The following PAK5 variants were observed in gnomAD, a reference collection of about 807,000 sequenced individuals.
PAK5 encodes serine/threonine-protein kinase PAK 5.
In PAK5, 16 loss-of-function variants were observed where a neutral mutation model predicts 65.9. That is an observed-to-expected ratio of 0.24 (90% CI 0.16 to 0.37). The LOEUF (loss-of-function observed/expected upper bound fraction) is 0.37. PAK5 is among the 10% of genes least tolerant of loss of function. The probability of loss-of-function intolerance (pLI) is 1.00; values close to 1 mark genes in which losing one functional copy is unlikely to be tolerated. For synonymous variants in PAK5, 371 were observed against 354.9 expected (o/e 1.05, Z -0.51); for missense variants, 785 against 903.9 (o/e 0.87, Z 1.69).
intron 1 of PAK5, among the ~76,000 whole-genome samples, chr20:9,828,642 A>G (rs1978467555): frequency 6.6e-6 from 1 of 152,206 alleles, no homozygotes; most frequent in Non-Finnish European, 1.5e-5. Context: ...CTAAAAAATC[A>G]TTATTATACA....
chr20:9,673,189 G>A (rs1411330229), intron 2 of PAK5, among the ~76,000 whole-genome samples: 1 of 152,040 alleles, frequency 6.6e-6, no homozygotes, highest in Non-Finnish European at 1.5e-5. Context: ...TATAACAGAT[G>A]GAAGAAACCT....
In PAK5 at chr20:9,538,423, CAA is replaced by C. The variant is rs922244552; in HGVS notation, c.*1037_*1038del. The C allele has an allele frequency of 4.3e-6, 1 of 233,432 alleles. No individual in the cohort carries two copies. The highest frequency in any genetic ancestry group is 2.2e-5 in the African/African-American group (1 of 45,336). The allele number at this position is 233,432 out of a possible 1,614,324, so 14.5% of individuals were successfully genotyped here. A position where few individuals can be genotyped will look rare whatever the true frequency, so the allele number is the denominator to read the frequency against. On this transcript the variant is annotated 3_prime_UTR_variant, in exon 10 of 10. Transcript: ENST00000353224. Reference sequence around the variant, plus strand: ...GCATACAGAGTTTTAAAAATGGTGACAAATGAAACCAAACGTCTTGCCCTGTT... The same window carrying C: ...GCATACAGAGTTTTAAAAATGGTGACATGAAACCAAACGTCTTGCCCTGTT...
rs151184564 is a variant in PAK5, at chr20:9,626,414, G to A, written c.204+17711C>T. On this transcript the variant is annotated intron_variant, in intron 3 of 9. Transcript: ENST00000353224. ...ATTTTAAAATTTTGAAGGCAACAACGATATTTAACTTGTGAGACACCTTCT... is the reference window on the plus strand; with the variant it reads ...ATTTTAAAATTTTGAAGGCAACAACAATATTTAACTTGTGAGACACCTTCT... Among the ~76,000 whole-genome samples, 332 of 152,306 alleles carry A rather than the reference G, an allele frequency of 2.2e-3. 2 individuals carry two copies. Among genetic ancestry groups the A allele is most frequent in the African/African-American group, 7.7e-3 (320 of 41,566 alleles).
At chr20:9,765,961 C>T (rs914499186) in intron 1 of PAK5, among the ~76,000 whole-genome samples, 7 of 152,078 alleles carry the variant, frequency 4.6e-5, no homozygotes, top group African/African-American at 1.4e-4. Context: ...TGGTGGCTCA[C>T]GCCTGTAATC....
rs558398589 is a variant in PAK5, at chr20:9,644,433, T to C, written c.-11-94A>G. ...TGTTAATTCACTCAGGGCAACATCT[T>C]TTCAGTTATTCCTCTAGATCCCAGC... On this transcript the variant is annotated intron_variant, in intron 2 of 9. Coordinates refer to ENST00000353224, the MANE Select transcript of PAK5 (RefSeq NM_177990.4). The C allele has an allele frequency of 7.8e-4, 594 of 757,044 alleles. 1 individual carries two copies. The highest frequency in any genetic ancestry group is 1.1e-3 in the Non-Finnish European group (505 of 458,030). The allele number at this position is 757,044 out of a possible 1,614,324, so 46.9% of individuals were successfully genotyped here.
chr20:9,738,040 C>G (rs2048409607), intron 1 of PAK5, among the ~76,000 whole-genome samples: 2 of 152,152 alleles, frequency 1.3e-5, no homozygotes, highest in Admixed American at 1.3e-4. Flanking sequence ...ACTTGGGAGG[C>G]TGAGGCAGGA....
At chr20:9,627,278 T>G (rs1600164839) in intron 3 of PAK5, among the ~76,000 whole-genome samples, 1 of 152,202 alleles carries the variant, frequency 6.6e-6, no homozygotes, top group East Asian at 1.9e-4. Flanking sequence ...CTCCTTAGTG[T>G]TGTTTAAAAA....
At chr20:9,768,159 T>G (rs1256211613) in intron 1 of PAK5, among the ~76,000 whole-genome samples, 1 of 152,156 alleles carries the variant, frequency 6.6e-6, no homozygotes, top group Non-Finnish European at 1.5e-5. Context: ...TTAATTCTTT[T>G]TTTCTTCCTG....
At chr20:9,832,973 G>A (rs1309218190) in intron 1 of PAK5, among the ~76,000 whole-genome samples, 2 of 152,154 alleles carry the variant, frequency 1.3e-5, no homozygotes, top group Non-Finnish European at 2.9e-5. Context: ...TGCATGCATT[G>A]CTGCATATGA....
intron 1 of PAK5, among the ~76,000 whole-genome samples, chr20:9,826,766 G>T (rs1436871395): frequency 6.6e-6 from 1 of 152,138 alleles, no homozygotes; most frequent in Non-Finnish European, 1.5e-5. Context: ...GACTTGGGCA[G>T]AACCATATAA....
chr20:9,677,511 T>A (rs572687889), intron 2 of PAK5, among the ~76,000 whole-genome samples: 1 of 152,260 alleles, frequency 6.6e-6, no homozygotes, highest in East Asian at 1.9e-4. Flanking sequence ...TAGAAAAAAA[T>A]GTTGATTCCA....
chr20:9,560,455 G>A (rs999426002), intron 6 of PAK5, among the ~76,000 whole-genome samples: 1 of 152,130 alleles, frequency 6.6e-6, no homozygotes, highest in Admixed American at 6.5e-5. Context: ...GAACTTCTGG[G>A]CTCAAGTGAT....
intron 4 of PAK5, among the ~76,000 whole-genome samples, chr20:9,573,418 C>T (rs931221771): frequency 1.2e-4 from 18 of 152,072 alleles, no homozygotes; most frequent in Non-Finnish European, 2.5e-4. Flanking sequence ...ACCAGAGCTA[C>T]GCTGGGGTGG....
At chr20:9,747,963 A>G (rs2048528334) in intron 1 of PAK5, among the ~76,000 whole-genome samples, 1 of 152,200 alleles carries the variant, frequency 6.6e-6, no homozygotes, top group Non-Finnish European at 1.5e-5. Context: ...AAATCTCCTT[A>G]AGCTGATAAG....
chr20:9,616,253 A>G (rs2123163556), intron 3 of PAK5, among the ~76,000 whole-genome samples: 1 of 152,360 alleles, frequency 6.6e-6, no homozygotes, highest in South Asian at 2.1e-4. Flanking sequence ...ATGTTAGCCC[A>G]CAACAACTTC....
At chr20:9,727,794 C>T in intron 1 of PAK5, among the ~76,000 whole-genome samples, 1 of 151,976 alleles carries the variant, frequency 6.6e-6, no homozygotes. Context: ...CAGTTCTGGC[C>T]ACTTGGGGCT....
chr20:9,727,655 T>TATTCAATTATTTATTC (rs1332481221), intron 1 of PAK5, among the ~76,000 whole-genome samples: 1 of 152,124 alleles, frequency 6.6e-6, no homozygotes, highest in Admixed American at 6.5e-5. Flanking sequence ...TTTATTTATT[T>TATTCAATTATTTATTC]ATTTATTCAA....
At chr20:9,695,946 A>G (rs562343439) in intron 2 of PAK5, among the ~76,000 whole-genome samples, 3 of 152,188 alleles carry the variant, frequency 2.0e-5, no homozygotes, top group African/African-American at 7.2e-5. Context: ...TTAACTTTAA[A>G]TTTCCTAGTA....
rs112955560 is a variant in PAK5 at position 9,690,750 on chromosome 20, CTTTTTT to C, written c.-12+20530_-12+20535del. On this transcript the variant is annotated intron_variant, in intron 2 of 9. Coordinates refer to ENST00000353224, the MANE Select transcript of PAK5 (RefSeq NM_177990.4). The stretch of plus-strand genomic sequence containing the variant: ...TCAGCATTTCTTTCTTTCTTTCTTT[CTTTTTT>C]TTTTTTTTTTTTTTTGAGAAGGAGT... 4.8e-5 allele frequency among the ~76,000 whole-genome samples: 5 copies of C among 103,952 alleles called. No homozygotes were observed. In the East Asian group the frequency reaches 8.6e-4, roughly 18 times the overall value. The allele number at this position is 103,952 out of a possible 152,430, so 68.2% of individuals were successfully genotyped here. A position where few individuals can be genotyped will look rare whatever the true frequency, so the allele number is the denominator to read the frequency against.
Sources: gnomAD v4.1 joint callset for allele counts (sites outside exome capture counted in the v4.1 genomes callset) on GRCh38, gnomAD v4.1.1 for gene constraint, MANE v1.5 for transcripts, NCBI Gene and HGNC (gene_info 2026-07-23, HGNC 2026-07-21) for gene names.